Variants in NOL4 observed in about 807,000 individuals in gnomAD.
NOL4 encodes cancer/testis antigen 125.
Under a neutral mutation model 75.9 loss-of-function variants are expected in NOL4, and 17 were observed. The ratio of observed to expected loss-of-function variants is 0.22; its 90% CI spans 0.15 to 0.34. The LOEUF is 0.34. NOL4 is among the 10% of genes least tolerant of loss of function. The pLI is 1.00. For synonymous variants in NOL4, 292 were observed against 289.9 expected (o/e 1.01, Z -0.07); for missense variants, 614 against 793.5 (o/e 0.77, Z 2.72).
intron 5 of NOL4, among the ~76,000 whole-genome samples, chr18:34,069,384 A>C (rs1299079247): frequency 1.3e-5 from 2 of 152,208 alleles, no homozygotes; most frequent in African/African-American, 4.8e-5. Flanking sequence ...TGGAAAACAG[A>C]TGGTCAGTGA....
At chr18:33,963,578 C>T (rs2070328488) in intron 6 of NOL4, among the ~76,000 whole-genome samples, 1 of 152,038 alleles carries the variant, frequency 6.6e-6, no homozygotes, top group African/African-American at 2.4e-5. Flanking sequence ...AAATAAAGAT[C>T]CAAAGTTATT....
chr18:33,875,879 T>C (rs2063912348), intron 10 of NOL4, among the ~76,000 whole-genome samples: 1 of 152,032 alleles, frequency 6.6e-6, no homozygotes, highest in Non-Finnish European at 1.5e-5. Context: ...GGAAATTTTC[T>C]TGAAAATGTA....
At chr18:34,154,429 C>T (rs901977212) in intron 1 of NOL4, among the ~76,000 whole-genome samples, 1 of 151,948 alleles carries the variant, frequency 6.6e-6, no homozygotes, top group Non-Finnish European at 1.5e-5. Flanking sequence ...ATAGCTACTA[C>T]CTTAGCTTCT....
chr18:34,147,051 T>G (rs1600722993), intron 1 of NOL4, among the ~76,000 whole-genome samples: 1 of 152,180 alleles, frequency 6.6e-6, no homozygotes. Context: ...ATGCTTGTGA[T>G]TTTTGCACAT....
Position 34,020,390 on chromosome 18 carries a change from C to A in NOL4, c.773-789G>T, listed in dbSNP as rs145143612. ...GTAAAAATTCTCTGATAAAAAGCAT[C>A]ATTTATCCTGCTGGTGGAATGTGCA... On this transcript the variant is annotated intron_variant, in intron 5 of 10. Coordinates refer to ENST00000261592, the MANE Select transcript of NOL4 (RefSeq NM_003787.5). 2.0e-5 allele frequency among the ~76,000 whole-genome samples: 3 copies of A among 152,202 alleles called. No homozygotes were observed. The East Asian group carries it at 5.8e-4, about 29-fold the overall frequency.
chr18:33,873,709 T>C (rs962594736), intron 10 of NOL4, among the ~76,000 whole-genome samples: 1 of 152,048 alleles, frequency 6.6e-6, no homozygotes, highest in Non-Finnish European at 1.5e-5. Context: ...ATTTAATATT[T>C]ATTGAACACT....
intron 9 of NOL4, among the ~76,000 whole-genome samples, chr18:33,905,557 C>T (rs576696542): frequency 2.9e-4 from 44 of 152,236 alleles, no homozygotes; most frequent in Middle Eastern, 3.4e-3. Flanking sequence ...ATATGTTTGG[C>T]AACCCAAGTA....
intron 9 of NOL4, among the ~76,000 whole-genome samples, chr18:33,939,756 C>G (rs771123580): frequency 2.0e-5 from 3 of 151,928 alleles, no homozygotes; most frequent in Admixed American, 2.0e-4. Context: ...ATTTAAATAC[C>G]CTTTCTTTCT....
chr18:34,191,609 C>T (rs926503379), intron 1 of NOL4, among the ~76,000 whole-genome samples: 5 of 152,010 alleles, frequency 3.3e-5, no homozygotes, highest in Middle Eastern at 3.2e-3. Flanking sequence ...GTTTGCTTGC[C>T]GTGTCAAGCA....
intron 1 of NOL4, among the ~76,000 whole-genome samples, chr18:34,193,807 C>A (rs1160925673): frequency 6.6e-6 from 1 of 152,162 alleles, no homozygotes; most frequent in Non-Finnish European, 1.5e-5. Context: ...ATCTTATTCA[C>A]ACTAGCCAAG....
intron 9 of NOL4, among the ~76,000 whole-genome samples, chr18:33,901,665 A>T (rs1311080918): frequency 6.6e-6 from 1 of 152,204 alleles, no homozygotes; most frequent in South Asian, 2.1e-4. Context: ...CTGATAGATT[A>T]TTCAGGATTT....
At chr18:33,999,585 T>C (rs1199220914) in intron 6 of NOL4, among the ~76,000 whole-genome samples, 1 of 151,974 alleles carries the variant, frequency 6.6e-6, no homozygotes, top group Non-Finnish European at 1.5e-5. Flanking sequence ...AAGATGATGC[T>C]GATAATTTTG....
Position 33,886,543 on chromosome 18 carries a change from A to G in NOL4, c.1543-3119T>C, listed in dbSNP as rs181381074. On this transcript the variant is annotated intron_variant, in intron 9 of 10. Coordinates refer to ENST00000261592, the MANE Select transcript of NOL4 (RefSeq NM_003787.5). ...ACTCCATCTCAAAAAAAAAAAAAAG[A>G]AAAAAGAAATAATGAACTATTAACT... Among the ~76,000 whole-genome samples, 240 of 150,516 alleles carry G rather than the reference A, an allele frequency of 1.6e-3. 3 individuals carry two copies. The highest frequency in any genetic ancestry group is 5.7e-3 in the African/African-American group (234 of 41,172).
rs2074899042 is a variant in NOL4 at position 34,019,346 on chromosome 18, T to C, written c.1028A>G (p.Glu343Gly). Residue 343 changes from glutamate (E) to glycine (G), a missense_variant, in exon 6 of 11, where the codon GAA (glutamate) becomes GGA (glycine). This residue lies in a region of NOL4 where 196 missense variants were observed against 167.9 expected (regional missense o/e 1.17). Coordinates refer to ENST00000261592, the MANE Select transcript of NOL4 (RefSeq NM_003787.5). The stretch of plus-strand genomic sequence containing the variant: ...GCTTCCATTTTCTCTCGCCTCTCGT[T>C]CCATCTTGAGGTCAGAAATTAGAAG... ...KNLLISDLKMEREARENGSKS... is the reference protein window; with the variant it reads ...KNLLISDLKMGREARENGSKS... The C allele has an allele frequency of 1.9e-6, 3 of 1,613,812 alleles. No homozygotes were observed. Among genetic ancestry groups the C allele is most frequent in the Non-Finnish European group, 2.5e-6 (3 of 1,179,720 alleles).
chr18:34,121,677 T>C (rs955963024), intron 2 of NOL4, among the ~76,000 whole-genome samples: 1 of 152,148 alleles, frequency 6.6e-6, no homozygotes, highest in Admixed American at 6.5e-5. Context: ...TTGTCTGAAT[T>C]ATTGAATTGC....
At chr18:33,897,913 C>T (rs990556069) in intron 9 of NOL4, among the ~76,000 whole-genome samples, 18 of 151,660 alleles carry the variant, frequency 1.2e-4, no homozygotes, top group African/African-American at 4.1e-4. Flanking sequence ...AAAAAATCTC[C>T]TTTTTAAAAT....
intron 5 of NOL4, among the ~76,000 whole-genome samples, chr18:34,055,299 T>A (rs1447791851): frequency 6.6e-6 from 1 of 152,102 alleles, no homozygotes; most frequent in African/African-American, 2.4e-5. Context: ...GTACAGTAGA[T>A]CTAGTAGAAT....
At chr18:34,086,841 A>G (rs1340481638) in intron 5 of NOL4, among the ~76,000 whole-genome samples, 2 of 152,114 alleles carry the variant, frequency 1.3e-5, no homozygotes, top group African/African-American at 4.8e-5. Flanking sequence ...TTAGAGTAGA[A>G]TAGGAGCATT....
chr18:33,877,003 G>A (rs1195408251), intron 10 of NOL4, among the ~76,000 whole-genome samples: 2 of 152,036 alleles, frequency 1.3e-5, no homozygotes, highest in East Asian at 3.9e-4. Flanking sequence ...TGTTTGCCAA[G>A]ATTAGTGTTT....
Sources: allele counts gnomAD v4.1 joint callset (sites outside exome capture counted in the v4.1 genomes callset), GRCh38; gene constraint gnomAD v4.1.1; regional missense constraint gnomAD v4.1.1; transcripts MANE v1.5; gene names NCBI Gene and HGNC (gene_info 2026-07-23, HGNC 2026-07-21).